The following GIGYF2 variants were observed in gnomAD, a reference collection of about 807,000 sequenced individuals.
The protein encoded by GIGYF2 is GRB10 interacting GYF protein 2, also known as GRB10-interacting GYF protein 2.
In GIGYF2, 25 loss-of-function variants were observed where a neutral mutation model predicts 208.1. The observed-to-expected ratio is 0.12, with a 90% CI of 0.09 to 0.17. The LOEUF is 0.17. Among genes scored for constraint, GIGYF2 ranks in the 10% least tolerant of loss-of-function variants. The probability of loss-of-function intolerance (pLI) is 1.00; values close to 1 mark genes in which losing one functional copy is unlikely to be tolerated. For missense variants in GIGYF2, 1,302 were observed against 1,579.4 expected (o/e 0.82, Z 2.98); for synonymous variants, 534 against 543.8 (o/e 0.98, Z 0.25).
At chr2:232,715,774 C>G (rs550158053) in intron 2 of GIGYF2, among the ~76,000 whole-genome samples, 1 of 149,364 alleles carries the variant, frequency 6.7e-6, no homozygotes, top group East Asian at 2.0e-4. Flanking sequence ...AGGTGGATGC[C>G]GAAGGAAAAG....
intron 5 of GIGYF2, among the ~76,000 whole-genome samples, chr2:232,755,532 C>T (rs969798754): frequency 6.6e-6 from 1 of 152,204 alleles, no homozygotes; most frequent in African/African-American, 2.4e-5. Context: ...TACAGACATA[C>T]CAAAGGTGCA....
chr2:232,763,154 C>T (rs1698815861), intron 8 of GIGYF2, among the ~76,000 whole-genome samples: 1 of 152,096 alleles, frequency 6.6e-6, no homozygotes, highest in Non-Finnish European at 1.5e-5. Flanking sequence ...ACCTCTGCTC[C>T]CATCCTTGTC....
intron 8 of GIGYF2, among the ~76,000 whole-genome samples, chr2:232,764,189 A>G (rs773204218): frequency 6.6e-6 from 1 of 152,210 alleles, no homozygotes; most frequent in Non-Finnish European, 1.5e-5. Flanking sequence ...CAGAAATGAA[A>G]AGTCTTACAT....
chr2:232,776,713 A>G (rs774109961), intron 8 of GIGYF2: 3 of 489,240 alleles, frequency 6.1e-6, no homozygotes, highest in Non-Finnish European at 1.1e-5. Context: ...GTCTTTCTTT[A>G]CCCAACACAA....
chr2:232,816,184 G>A (rs993632800), intron 19 of GIGYF2, among the ~76,000 whole-genome samples: 2 of 152,282 alleles, frequency 1.3e-5, no homozygotes, highest in Non-Finnish European at 1.5e-5. Context: ...ATTAGATTGT[G>A]TGTTCCATTC....
chr2:232,735,257 A>G lies in GIGYF2; in HGVS notation c.41+19A>G. On this transcript the variant is annotated intron_variant, in intron 3 of 28. Coordinates refer to ENST00000373563, the MANE Select transcript of GIGYF2 (RefSeq NM_001103146.3). ...CTGAATGGTGAGTTTTCAAAATCTCATCTTCTTTGATATTGGATGACTAAT... is the reference window on the plus strand; with the variant it reads ...CTGAATGGTGAGTTTTCAAAATCTCGTCTTCTTTGATATTGGATGACTAAT... The G allele has an allele frequency of 6.5e-7, 1 of 1,540,026 alleles. No individual in the cohort carries two copies. The highest frequency in any genetic ancestry group is 9.0e-7 in the Non-Finnish European group (1 of 1,112,634).
chr2:232,779,391 C>T (rs1384152534), intron 8 of GIGYF2, among the ~76,000 whole-genome samples: 1 of 152,138 alleles, frequency 6.6e-6, no homozygotes, highest in Non-Finnish European at 1.5e-5. Flanking sequence ...TGAAATAATT[C>T]ACTATATATC....
intron 8 of GIGYF2, chr2:232,767,245 A>G (rs1699010299): frequency 6.6e-6 from 1 of 152,170 alleles, no homozygotes; most frequent in South Asian, 2.1e-4. Flanking sequence ...TGCTTTATCT[A>G]CTGTAGATTT....
At chr2:232,705,170 A>AT (rs1696036204) in intron 2 of GIGYF2, among the ~76,000 whole-genome samples, 1 of 151,540 alleles carries the variant, frequency 6.6e-6, no homozygotes, top group Non-Finnish European at 1.5e-5. Flanking sequence ...ACTTCTGGAT[A>AT]TTTTTTATAG....
Position 232,790,860 on chromosome 2 carries a change from A to T in GIGYF2, c.875A>T (p.Asp292Val). The T allele has an allele frequency of 6.2e-7, 1 of 1,614,166 alleles. No individual in the cohort carries two copies. Among genetic ancestry groups the T allele is most frequent in the South Asian group, 1.1e-5 (1 of 91,082 alleles). ...AGCTTGCCCGAATGGTGCTTAGAGG[A>T]TGCTGAAGAAGAAATGGGTACATTT... is the stretch of plus-strand genomic sequence containing the variant. Reference protein sequence around the residue: ...RDSLPEWCLEDAEEEMGTFDS... With the variant: ...RDSLPEWCLEVAEEEMGTFDS... The change falls in exon 10 of 29, where the codon GAT (aspartate) becomes GTT (valine). Residue 292 changes from aspartate to valine, a missense_variant. Physicochemically the swap from Asp to Val is radical, Grantham distance 152. This residue lies in a region of GIGYF2 where 6 missense variants were observed against 21.5 expected (regional missense o/e 0.28). Coordinates refer to ENST00000373563, the MANE Select transcript of GIGYF2 (RefSeq NM_001103146.3).
chr2:232,723,262 T>G lies in GIGYF2; in HGVS notation c.-43-11893T>G, dbSNP rs191403328. 4.0e-4 allele frequency among the ~76,000 whole-genome samples: 61 copies of G among 152,328 alleles called. No individual in the cohort carries two copies. The East Asian group carries it at 0.011, about 28-fold the overall frequency. On this transcript the variant is annotated intron_variant, in intron 2 of 28. Coordinates refer to ENST00000373563, the MANE Select transcript of GIGYF2 (RefSeq NM_001103146.3). ...TGTTTGTTCTGTGAAACCCTAATAC[T>G]TCCTGCCTTCTCAGAGATTTCATTT...
At position 232,844,260 on chromosome 2, in the gene GIGYF2, G is replaced by A; in HGVS notation, c.3099+5G>A. 1 of 1,591,256 alleles carries A rather than the reference G, an allele frequency of 6.3e-7. No individual in the cohort carries two copies. The highest frequency in any genetic ancestry group is 8.6e-7 in the Non-Finnish European group (1 of 1,167,562). On this transcript the variant is annotated splice_donor_5th_base_variant and intron_variant, in intron 24 of 28. Transcript: ENST00000373563. Reference sequence around the variant, plus strand: ...AACAGAGCTCGTAACAATACGGTGTGTGCATTTTCCTAAGCTGTCGTTGTA... The same window carrying A: ...AACAGAGCTCGTAACAATACGGTGTATGCATTTTCCTAAGCTGTCGTTGTA...
chr2:232,767,420 A>G (rs1358166246), intron 8 of GIGYF2: 3 of 152,558 alleles, frequency 2.0e-5, no homozygotes, highest in Admixed American at 1.3e-4. Context: ...AGTCATTTAG[A>G]TGAATCACCG....
At chr2:232,724,207 ATTTTTT>A (rs1163865821) in intron 2 of GIGYF2, among the ~76,000 whole-genome samples, 76 of 114,224 alleles carry the variant, frequency 6.7e-4, no homozygotes, top group East Asian at 1.1e-3. Context: ...ACACCTGGCT[ATTTTTT>A]TTTTTTTTTT....
At chr2:232,789,937 T>C (rs71421665) in intron 9 of GIGYF2, among the ~76,000 whole-genome samples, 12,568 of 152,040 alleles carry the variant, frequency 0.083, 660 homozygotes, top group Non-Finnish European at 0.12. Flanking sequence ...GGGTATTATA[T>C]GGATAGGGAG....
Position 232,806,645 on chromosome 2 carries a change from CCCT to C in GIGYF2, c.1799_1801del (p.Pro600del). On this transcript the variant is annotated inframe_deletion, in exon 15 of 29. Coordinates refer to ENST00000373563, the MANE Select transcript of GIGYF2 (RefSeq NM_001103146.3). This position sits in a 1 kb window ranked among gnomAD's most constrained non-coding sequence, Gnocchi z 4.0. ...TTCCCTTTTCTCCAGGTCCAGCTCC[CCCT>C]CCTCATATGGTAAGTACCTTTCACC... is the stretch of plus-strand genomic sequence containing the variant. 2 of 1,610,472 alleles carry C rather than the reference CCCT, an allele frequency of 1.2e-6. No homozygotes were observed. Among genetic ancestry groups the C allele is most frequent in the Non-Finnish European group, 1.7e-6 (2 of 1,176,750 alleles).
At chr2:232,812,610 A>G in intron 18 of GIGYF2, 119 bp downstream of exon 18, 1 of 650,486 alleles carries the variant, frequency 1.5e-6, no homozygotes, top group South Asian at 1.7e-5. Flanking sequence ...TTTGATATTA[A>G]CAAAAGGTCC....
chr2:232,701,917 C>T (rs1195326799), intron 1 of GIGYF2, among the ~76,000 whole-genome samples: 12 of 152,024 alleles, frequency 7.9e-5, no homozygotes, highest in African/African-American at 2.2e-4. Flanking sequence ...CCTATAATCC[C>T]GGCACTTTGG....
rs990647425 is a variant in GIGYF2, at chr2:232,844,652, G to T, written c.3305+78G>T. ...ATGGAGGAAGTGGGATGTTGGGTGG[G>T]CAGGAAAAGGTAGTTATTGAGTTTT... On this transcript the variant is annotated intron_variant, in intron 25 of 28. Transcript: ENST00000373563. 4 of 926,188 alleles carry T rather than the reference G, an allele frequency of 4.3e-6. No individual in the cohort carries two copies. The African/African-American group carries it at 4.9e-5, about 11-fold the overall frequency. The allele number at this position is 926,188 out of a possible 1,614,324, so 57.4% of individuals were successfully genotyped here.
Sources: gnomAD v4.1 joint callset for allele counts (sites outside exome capture counted in the v4.1 genomes callset) on GRCh38, gnomAD v4.1.1 for gene constraint, gnomAD v4.1.1 regional missense constraint, Gnocchi (gnomAD v3.1) non-coding constraint, MANE v1.5 for transcripts, NCBI Gene and HGNC (gene_info 2026-07-23, HGNC 2026-07-21) for gene names.